Variants in PGM3 observed in about 807,000 individuals in gnomAD.
PGM3 encodes phosphoacetylglucosamine mutase.
Under a neutral mutation model 66.2 loss-of-function variants are expected in PGM3, and 40 were observed. The ratio of observed to expected loss-of-function variants is 0.60; its 90% CI spans 0.47 to 0.79. PGM3 has a LOEUF of 0.79. Among genes scored for constraint, PGM3 ranks in the 30% least tolerant of loss-of-function variants. The pLI is 0.00. For missense variants in PGM3, 537 were observed against 643.4 expected (o/e 0.83, Z 1.79); for synonymous variants, 191 against 224.2 (o/e 0.85, Z 1.32).
chr6:83,167,436 AAG>A lies in PGM3; in HGVS notation c.*1796_*1797del, dbSNP rs1786023539. The A allele has an allele frequency of 2.0e-6, 2 of 982,504 alleles. No homozygotes were observed. Among genetic ancestry groups the A allele is most frequent in the Non-Finnish European group, 2.4e-6 (2 of 826,910 alleles). The allele number at this position is 982,504 out of a possible 1,614,324, so 60.9% of individuals were successfully genotyped here. The stretch of plus-strand genomic sequence containing the variant: ...AAAGGGAATTAACTAATTATAATAA[AAG>A]GGGATATATTATGAAATGTATAAAG... On this transcript the variant is annotated 3_prime_UTR_variant, in exon 13 of 13. Transcript: ENST00000513973.
At chr6:83,151,673 A>G in the PGM3 span, 1 of 1,590,978 alleles carries the variant, frequency 6.3e-7, no homozygotes, top group Non-Finnish European at 8.5e-7. Flanking sequence ...AGGCAGTCTA[A>G]GAGCTGTTGC....
At chr6:83,163,909 A>C (rs1043587382), downstream of PGM3, among the ~76,000 whole-genome samples, 8 of 151,966 alleles carry the variant, frequency 5.3e-5, no homozygotes, top group African/African-American at 1.9e-4. Flanking sequence ...TGTCTTATAT[A>C]CTTTTTATCT....
chr6:83,168,220 C>G lies in PGM3; in HGVS notation c.*1014G>C, dbSNP rs1316377813. ...CATGTAAATGTAATTATTTAAAACA[C>G]ACACACTGCTCTGCGTTGTATAGTT... On this transcript the variant is annotated 3_prime_UTR_variant, in exon 13 of 13. Coordinates refer to ENST00000513973, the MANE Select transcript of PGM3 (RefSeq NM_015599.3). 1 of 1,556,838 alleles carries G rather than the reference C, an allele frequency of 6.4e-7. No homozygotes were observed. Among genetic ancestry groups the G allele is most frequent in the African/African-American group, 1.4e-5 (1 of 72,810 alleles).
chr6:83,168,252 T>C lies in PGM3; in HGVS notation c.*982A>G. On this transcript the variant is annotated 3_prime_UTR_variant, in exon 13 of 13. Coordinates refer to ENST00000513973, the MANE Select transcript of PGM3 (RefSeq NM_015599.3). ...TGCTCTGCGTTGTATAGTTTTTCCT[T>C]TTTTGTATGTAACAGAACACATTTC... 1 of 1,472,892 alleles carries C rather than the reference T, an allele frequency of 6.8e-7. No homozygotes were observed. Among genetic ancestry groups the C allele is most frequent in the Non-Finnish European group, 8.9e-7 (1 of 1,119,716 alleles). The allele number at this position is 1,472,892 out of a possible 1,614,324, so 91.2% of individuals were successfully genotyped here.
the PGM3 span, chr6:83,148,861 T>C: frequency 6.6e-7 from 1 of 1,510,112 alleles, no homozygotes; most frequent in Non-Finnish European, 8.8e-7. Flanking sequence ...TTCTTATACT[T>C]GGGTAAGCAA....
chr6:83,173,893 T>C (rs780653383), intron 10 of PGM3, among the ~76,000 whole-genome samples: 7 of 152,142 alleles, frequency 4.6e-5, no homozygotes, highest in East Asian at 3.9e-4. Context: ...CCCGCCACCA[T>C]GCCCGGCTAA....
At chr6:83,177,987 G>A (rs888376432) in intron 8 of PGM3, among the ~76,000 whole-genome samples, 3 of 152,106 alleles carry the variant, frequency 2.0e-5, no homozygotes, top group Admixed American at 2.0e-4. Flanking sequence ...TTGGAGTTGA[G>A]CCCAATCTTT....
Position 83,168,097 on chromosome 6 carries a change from C to G in PGM3, c.*1137G>C, listed in dbSNP as rs778541213. 6.2e-7 allele frequency: 1 copy of G among 1,614,038 alleles called. No homozygotes were observed. Among genetic ancestry groups the G allele is most frequent in the Non-Finnish European group, 8.5e-7 (1 of 1,180,010 alleles). ...AAACTGGAGAACCACAAACCATGTT[C>G]CAGCAAAGCCAGGCAAAAAATAGAA... On this transcript the variant is annotated 3_prime_UTR_variant, in exon 13 of 13. Coordinates refer to ENST00000513973, the MANE Select transcript of PGM3 (RefSeq NM_015599.3).
At chr6:83,159,074 A>G (rs556992751), downstream of PGM3, among the ~76,000 whole-genome samples, 2 of 152,326 alleles carry the variant, frequency 1.3e-5, no homozygotes, top group South Asian at 4.1e-4. Flanking sequence ...TTTTACTTAC[A>G]CAAATTTATA....
intron 8 of PGM3, 167 bp from the exon 9 acceptor site, chr6:83,176,227 T>G: frequency 1.9e-6 from 1 of 526,180 alleles, no homozygotes; most frequent in Admixed American, 3.0e-5. Context: ...AATGGAAGCA[T>G]GAACACACTC....
intron 11 of PGM3, 125 bp downstream of exon 11, chr6:83,171,812 A>G (rs1787208045): frequency 2.7e-6 from 2 of 746,422 alleles, no homozygotes; most frequent in Non-Finnish European, 4.2e-6. Flanking sequence ...CTTATTTTCT[A>G]TGTATCATAT....
chr6:83,177,806 C>T (rs537310730), intron 8 of PGM3, among the ~76,000 whole-genome samples: 6 of 152,248 alleles, frequency 3.9e-5, no homozygotes, highest in African/African-American at 1.4e-4. Context: ...TACCATCCCC[C>T]AGGTAATATG....
intron 12 of PGM3, chr6:83,169,749 C>T (rs1039405079): frequency 4.1e-5 from 19 of 457,992 alleles, no homozygotes; most frequent in African/African-American, 1.4e-4. Flanking sequence ...CCCTATTCAG[C>T]GCACTCACTG....
At chr6:83,178,800 T>A in intron 7 of PGM3, 44 bp from the exon 8 acceptor site, 1 of 1,116,328 alleles carries the variant, frequency 9.0e-7, no homozygotes, top group Non-Finnish European at 1.4e-6. Context: ...AAAAGTATGG[T>A]CTACAAAAAC....
At chr6:83,174,608 T>C (rs905628148) in intron 9 of PGM3, 121 bp from the exon 10 acceptor site, 16 of 542,612 alleles carry the variant, frequency 2.9e-5, no homozygotes, top group African/African-American at 2.6e-4. Flanking sequence ...AGGGGAAAAA[T>C]AGTGGCAGCC....
Position 83,167,978 on chromosome 6 carries a change from C to T in PGM3, c.*1256G>A, listed in dbSNP as rs1377087855. The T allele has an allele frequency of 6.2e-7, 1 of 1,614,182 alleles. No individual in the cohort carries two copies. Among genetic ancestry groups the T allele is most frequent in the East Asian group, 2.2e-5 (1 of 44,880 alleles). ...AGCTCCTGCCGTTCTTCAATGTGCTCAGTCAAGTCTTCAACAGCAAAGTCA... is the reference window on the plus strand; with the variant it reads ...AGCTCCTGCCGTTCTTCAATGTGCTTAGTCAAGTCTTCAACAGCAAAGTCA... On this transcript the variant is annotated 3_prime_UTR_variant, in exon 13 of 13. Transcript: ENST00000513973.
Position 83,182,930 on chromosome 6 carries a change from C to T in PGM3, c.506G>A (p.Arg169Gln), listed in dbSNP as rs752438675. ...CTTTCCATATCGGCCACCCGTGTTT[C>T]GACAATACACCATGTAGTGCAGCTG... is the stretch of plus-strand genomic sequence containing the variant. ...TPQLHYMVYC[R>Q]NTGGRYGKAT... The change falls in exon 5 of 13, where the codon CGA becomes CAA. Residue 169 changes from arginine to glutamine, a missense_variant. By Grantham distance (43) the Arg-to-Gln change is conservative (BLOSUM62 1). Coordinates refer to ENST00000513973, the MANE Select transcript of PGM3 (RefSeq NM_015599.3). 23 of 1,613,926 alleles carry T rather than the reference C, an allele frequency of 1.4e-5. No homozygotes were observed. In the Admixed American group the frequency reaches 2.8e-4, roughly 20 times the overall value.
Position 83,190,968 on chromosome 6 carries a change from C to G in PGM3, c.45G>C (p.Lys15Asn). ...CGTATTGAAGGATCAGTCCATTGGGCTTGGCGTGTAATGCTGAGTATTTTG... is the reference window on the plus strand; with the variant it reads ...CGTATTGAAGGATCAGTCCATTGGGGTTGGCGTGTAATGCTGAGTATTTTG... Reference protein sequence around the residue: ...AITKYSALHAKPNGLILQYGT... With the variant: ...AITKYSALHANPNGLILQYGT... Residue 15 changes from lysine (K) to asparagine (N), a missense_variant, in exon 2 of 13, where the codon AAG (lysine) becomes AAC (asparagine). Lys to Asn is a moderately conservative substitution (Grantham distance 94). Coordinates refer to ENST00000513973, the MANE Select transcript of PGM3 (RefSeq NM_015599.3). 1.2e-6 allele frequency: 2 copies of G among 1,614,174 alleles called. No homozygotes were observed. Among genetic ancestry groups the G allele is most frequent in the Non-Finnish European group, 1.7e-6 (2 of 1,179,994 alleles).
chr6:83,163,010 C>T (rs1429602797), downstream of PGM3: 14 of 1,388,196 alleles, frequency 1.0e-5, no homozygotes, highest in Admixed American at 4.5e-5. Context: ...AAACTGAGAA[C>T]GTTATCAAGT....
Sources: gnomAD v4.1 joint callset for allele counts (sites outside exome capture counted in the v4.1 genomes callset) on GRCh38, gnomAD v4.1.1 for gene constraint, MANE v1.5 for transcripts, NCBI Gene and HGNC (gene_info 2026-07-23, HGNC 2026-07-21) for gene names.